The following NCKAP5 variants were observed in gnomAD, a reference collection of about 807,000 sequenced individuals.
NCKAP5 encodes NCK associated protein 5.
NCKAP5 carries 92 observed loss-of-function variants against 167.0 expected under a neutral mutation model. That is an observed-to-expected ratio of 0.55 (90% confidence interval 0.47 to 0.66). The LOEUF (loss-of-function observed/expected upper bound fraction) is 0.66. NCKAP5 is among the 30% of genes least tolerant of loss of function. The pLI is 0.00. For missense variants in NCKAP5, 2,378 were observed against 2,315.0 expected (o/e 1.03, Z -0.56); for synonymous variants, 891 against 877.4 (o/e 1.02, Z -0.27).
chr2:133,435,937 G>C (rs1690448808), intron 3 of NCKAP5, among the ~76,000 whole-genome samples: 1 of 152,050 alleles, frequency 6.6e-6, no homozygotes, highest in Admixed American at 6.5e-5. Flanking sequence ...GATCAAAACT[G>C]AATTTTTCGT....
chr2:132,767,090 C>G (rs1681565222), intron 16 of NCKAP5, among the ~76,000 whole-genome samples: 1 of 152,158 alleles, frequency 6.6e-6, no homozygotes, highest in East Asian at 1.9e-4. Context: ...AAGTAGGGTT[C>G]TACCACAAAA....
intron 6 of NCKAP5, among the ~76,000 whole-genome samples, chr2:133,016,315 T>C (rs999886819): frequency 7.9e-5 from 12 of 152,268 alleles, no homozygotes; most frequent in African/African-American, 2.9e-4. Context: ...TTGCAAATGG[T>C]TGGTAATACA....
intron 6 of NCKAP5, among the ~76,000 whole-genome samples, chr2:133,076,765 C>T (rs1042848145): frequency 7.2e-5 from 11 of 152,146 alleles, no homozygotes; most frequent in African/African-American, 9.7e-5. Flanking sequence ...GGTCACAGGA[C>T]GGCTACTGCT....
At chr2:132,858,940 C>T (rs1689674075) in intron 11 of NCKAP5, among the ~76,000 whole-genome samples, 3 of 152,116 alleles carry the variant, frequency 2.0e-5, no homozygotes, top group African/African-American at 7.2e-5. Flanking sequence ...CCTCAAGTTA[C>T]AACAGGCAGA....
rs1689466080 is a variant in NCKAP5, at chr2:132,856,346, G to A, written c.807+4146C>T. On this transcript the variant is annotated intron_variant, in intron 11 of 19. Transcript: ENST00000409261. ...AAATAAAGACTAAGAGAAAAAAAAA[G>A]CGGAACAAGTAGAATGTAAAAGCCC... Among the ~76,000 whole-genome samples, 6 of 151,350 alleles carry A rather than the reference G, an allele frequency of 4.0e-5. 1 individual carries two copies. The South Asian group carries it at 1.0e-3, about 26-fold the overall frequency.
At chr2:133,403,236 A>G (rs1200765347) in intron 3 of NCKAP5, among the ~76,000 whole-genome samples, 1 of 152,240 alleles carries the variant, frequency 6.6e-6, no homozygotes, top group African/African-American at 2.4e-5. Flanking sequence ...TGAGGCATTC[A>G]TTTTACAAAG....
At chr2:133,180,384 T>C (rs1237582903) in intron 5 of NCKAP5, among the ~76,000 whole-genome samples, 1 of 152,092 alleles carries the variant, frequency 6.6e-6, no homozygotes, top group Non-Finnish European at 1.5e-5. Flanking sequence ...GTTCAGGCTA[T>C]AGTACAGTGG....
At chr2:133,416,561 A>G (rs1689120339) in intron 3 of NCKAP5, among the ~76,000 whole-genome samples, 1 of 152,194 alleles carries the variant, frequency 6.6e-6, no homozygotes, top group African/African-American at 2.4e-5. Context: ...CTAGTTCTGA[A>G]AGATTAGGGT....
At chr2:133,473,513 C>T (rs1303560380) in intron 3 of NCKAP5, among the ~76,000 whole-genome samples, 2 of 152,104 alleles carry the variant, frequency 1.3e-5, no homozygotes, top group East Asian at 3.9e-4. Flanking sequence ...AGAGAATCTG[C>T]AATTCTAATG....
chr2:133,113,187 G>A (rs1198477238), intron 6 of NCKAP5, among the ~76,000 whole-genome samples: 1 of 150,934 alleles, frequency 6.6e-6, no homozygotes, highest in African/African-American at 2.4e-5. Flanking sequence ...CCTAAGGATA[G>A]TTTACACAAT....
chr2:132,728,825 G>A lies in NCKAP5; in HGVS notation c.5571C>T (p.Thr1857=), dbSNP rs370109005. ...LPDWGSEVAA[T]GTQDKAPRMC... is the part of the protein sequence containing the mutation. ...TCCCCCGACCCCTCACCTGGGTCCC[G>A]GTGGCAGCAACTTCACTCCCCCAGT... The change falls in exon 18 of 20, where the codon ACC becomes ACT. Residue 1857 remains threonine (T), a synonymous_variant. Transcript: ENST00000409261. 4.5e-5 allele frequency: 73 copies of A among 1,613,678 alleles called. No individual in the cohort carries two copies. In the Middle Eastern group the frequency reaches 5.0e-4, roughly 11 times the overall value.
At chr2:132,968,339 G>A (rs1224743258) in intron 7 of NCKAP5, among the ~76,000 whole-genome samples, 1 of 152,144 alleles carries the variant, frequency 6.6e-6, no homozygotes, top group Non-Finnish European at 1.5e-5. Context: ...TAAAAATCAG[G>A]AATATTTTGA....
chr2:133,042,467 A>G (rs2079247560), intron 6 of NCKAP5, among the ~76,000 whole-genome samples: 1 of 152,218 alleles, frequency 6.6e-6, no homozygotes. Context: ...CAGTAAAACA[A>G]TTTCTACATG....
intron 19 of NCKAP5, among the ~76,000 whole-genome samples, chr2:132,683,266 T>TA (rs34784302): frequency 0.65 from 99,034 of 151,404 alleles, 33,582 homozygotes; most frequent in African/African-American, 0.85. Context: ...GAATAGAACC[T>TA]AAAAAAAAAT....
At chr2:132,917,460 TTAATC>T (rs1023946128) in intron 8 of NCKAP5, among the ~76,000 whole-genome samples, 3 of 152,160 alleles carry the variant, frequency 2.0e-5, no homozygotes, top group Admixed American at 2.0e-4. Flanking sequence ...ATTTTGTCCT[TTAATC>T]TATTGGGTTG....
the NCKAP5 span, among the ~76,000 whole-genome samples, chr2:133,607,473 G>A: frequency 2.0e-5 from 3 of 152,132 alleles, no homozygotes; most frequent in African/African-American, 7.2e-5. Context: ...TCTCACTCAA[G>A]AATCAATTAG....
intron 16 of NCKAP5, among the ~76,000 whole-genome samples, chr2:132,735,255 C>T (rs990903545): frequency 1.2e-4 from 18 of 152,070 alleles, no homozygotes; most frequent in Non-Finnish European, 2.5e-4. Flanking sequence ...AAATGTAATC[C>T]CCAGTGTTGG....
intron 8 of NCKAP5, 48 bp from the exon 9 acceptor site, chr2:132,878,964 G>C: frequency 6.9e-7 from 1 of 1,440,570 alleles, no homozygotes; most frequent in Non-Finnish European, 9.8e-7. Context: ...GAAATGTTGT[G>C]TTATGTGACA....
At position 133,541,737 on chromosome 2, in the gene NCKAP5, G is replaced by A. The variant is rs1368074284; in HGVS notation, c.-62+17313C>T. On this transcript the variant is annotated intron_variant, in intron 2 of 19. Transcript: ENST00000409261. ...AAAAAATTAGTGTTAACATTGGGCT[G>A]TAACTACATGATATTGACTAAGAAG... Among the ~76,000 whole-genome samples the A allele has an allele frequency of 2.0e-5, 3 of 151,822 alleles. No homozygotes were observed. The East Asian group carries it at 5.8e-4, about 29-fold the overall frequency.
Sources: gnomAD v4.1 joint callset for allele counts (sites outside exome capture counted in the v4.1 genomes callset) on GRCh38, gnomAD v4.1.1 for gene constraint, MANE v1.5 for transcripts, NCBI Gene and HGNC (gene_info 2026-07-23, HGNC 2026-07-21) for gene names.